Variants in MUC4 observed in about 807,000 individuals in gnomAD.
MUC4 encodes mucin 4, cell surface associated, also known as mucin-4.
MUC4 carries 202 observed loss-of-function variants against 257.9 expected under a neutral mutation model. The observed-to-expected ratio is 0.78, with a 90% CI of 0.70 to 0.88. The LOEUF (loss-of-function observed/expected upper bound fraction) is 0.88. Ranked by LOEUF, MUC4 falls within the 40% of genes least tolerant of loss-of-function variation. The pLI is 0.00. For missense variants in MUC4, 5,976 were observed against 6,513.7 expected, an observed-to-expected ratio of 0.92 and a Z score of 2.84; for synonymous variants, 2,351 against 2,757.1, an observed-to-expected ratio of 0.85 and a Z score of 4.62.
intron 3 of MUC4, among the ~76,000 whole-genome samples, chr3:195,775,424 C>T (rs376750848): frequency 5.6e-5 from 1 of 17,828 alleles, no homozygotes; most frequent in East Asian, 1.1e-3. Flanking sequence ...ACCTTCCACA[C>T]CCATACCTTC....
chr3:195,771,566 C>G, intron 5 of MUC4, 86 bp downstream of exon 5: 2 of 1,472,348 alleles, frequency 1.4e-6, no homozygotes, highest in Non-Finnish European at 1.8e-6. Context: ...GTCACAGCAG[C>G]AACTCTGGCA....
intron 1 of MUC4, among the ~76,000 whole-genome samples, chr3:195,794,111 A>T (rs1359660228): frequency 1.7e-5 from 2 of 119,568 alleles, no homozygotes; most frequent in Admixed American, 1.7e-4. Flanking sequence ...AATAATAAAA[A>T]TAGATATTAA....
rs1256387898 is a variant in MUC4 at position 195,778,313 on chromosome 3, C to T, written c.12933G>A (p.Leu4311=). The change falls in exon 3 of 25, where the codon CTG becomes CTA. Residue 4311 remains leucine, a synonymous_variant. Coordinates refer to ENST00000463781, the MANE Select transcript of MUC4 (RefSeq NM_018406.7). ...CCTGTATGGCCTCACCTCTCTCAGG[C>T]AGGATGGGGATGGGGGCAGCTGTGG... is the stretch of plus-strand genomic sequence containing the variant. The part of the protein sequence containing the change: ...TRSTAAPIPI[L]PERGVSLFPY... The T allele has an allele frequency of 1.2e-6, 2 of 1,609,788 alleles. No homozygotes were observed. Among genetic ancestry groups the T allele is most frequent in the Non-Finnish European group, 8.5e-7 (1 of 1,178,810 alleles).
chr3:195,774,426 C>G, intron 3 of MUC4, 121 bp from the exon 4 acceptor site: 4 of 1,237,368 alleles, frequency 3.2e-6, no homozygotes, highest in Non-Finnish European at 4.2e-6. Context: ...CCCGAGGGCC[C>G]CAGAGGCAGC....
At chr3:195,751,365 C>T in intron 21 of MUC4, 94 bp from the exon 22 acceptor site, 3 of 992,302 alleles carry the variant, frequency 3.0e-6, no homozygotes, top group Non-Finnish European at 4.7e-6. Context: ...TCCCTGTTTC[C>T]TCCTGGAACG....
intron 1 of MUC4, among the ~76,000 whole-genome samples, chr3:195,793,330 C>G (rs1219615047): frequency 6.6e-6 from 1 of 151,552 alleles, no homozygotes; most frequent in African/African-American, 2.4e-5. Context: ...AACCCCGTCT[C>G]TACTAGAAAA....
At position 195,788,120 on chromosome 3, in the gene MUC4, G is replaced by A; in HGVS notation, c.3460C>T (p.His1154Tyr). 1 of 1,494,012 alleles carries A rather than the reference G, an allele frequency of 6.7e-7. No homozygotes were observed. The highest frequency in any genetic ancestry group is 9.0e-7 in the Non-Finnish European group (1 of 1,115,636). The allele number at this position is 1,494,012 out of a possible 1,614,324, so 92.5% of individuals were successfully genotyped here. Reference sequence around the variant, plus strand: ...GATGCTGAGGAAGCATCAGTGACATGAAGAGGGGTGGTGTGACCTGTGGAT... The same window carrying A: ...GATGCTGAGGAAGCATCAGTGACATAAAGAGGGGTGGTGTGACCTGTGGAT... ...SVSTGHTTPL[H>Y]VTDASSASTG... is the part of the protein sequence containing the mutation. Residue 1154 changes from histidine (H) to tyrosine (Y), a missense_variant, in exon 2 of 25, where the codon CAT becomes TAT. Coordinates refer to ENST00000463781, the MANE Select transcript of MUC4 (RefSeq NM_018406.7).
intron 1 of MUC4, among the ~76,000 whole-genome samples, chr3:195,805,686 G>T (rs1578493522): frequency 6.6e-6 from 1 of 152,152 alleles, no homozygotes; most frequent in African/African-American, 2.4e-5. Context: ...TAGTAGAGAC[G>T]GGGTTTTGCC....
At position 195,760,858 on chromosome 3, in the gene MUC4, G is replaced by A. The variant is rs1385568976; in HGVS notation, c.14848+26C>T. 2.5e-6 allele frequency: 4 copies of A among 1,601,866 alleles called. No homozygotes were observed. The African/African-American group carries it at 4.0e-5, about 16-fold the overall frequency. ...CTCATCTGCTCCCGACTCTGAAAAGGCCTCCCCAGGCCTCGGGCCACTTAC... is the reference window on the plus strand; with the variant it reads ...CTCATCTGCTCCCGACTCTGAAAAGACCTCCCCAGGCCTCGGGCCACTTAC... On this transcript the variant is annotated intron_variant, in intron 16 of 24. Coordinates refer to ENST00000463781, the MANE Select transcript of MUC4 (RefSeq NM_018406.7).
Position 195,790,075 on chromosome 3 carries a change from T to C in MUC4, c.1505A>G (p.Gln502Arg). The C allele has an allele frequency of 6.2e-7, 1 of 1,614,046 alleles. No individual in the cohort carries two copies. Among genetic ancestry groups the C allele is most frequent in the Non-Finnish European group, 8.5e-7 (1 of 1,179,902 alleles). The change falls in exon 2 of 25, where the codon CAA (glutamine) becomes CGA (arginine). Residue 502 changes from glutamine to arginine, a missense_variant. Physicochemically the swap from Gln to Arg is conservative, Grantham distance 43. Around this residue, in one of 44 missense-constraint regions of MUC4, gnomAD observed 1,583 missense variants for 1,257.4 expected, o/e 1.26. Transcript: ENST00000463781. The stretch of plus-strand genomic sequence containing the variant: ...TGTTGATGTTGAGGGCAGTTCTGTT[T>C]GTGACCAAGTTGTGTGGCCTTTGCT... Reference protein sequence around the residue: ...FSSKGHTTWSQTELPSTSTGA... With the variant: ...FSSKGHTTWSRTELPSTSTGA...
chr3:195,778,019 C>T (rs1478759186), intron 3 of MUC4, among the ~76,000 whole-genome samples: 1 of 152,248 alleles, frequency 6.6e-6, no homozygotes, highest in Non-Finnish European at 1.5e-5. Flanking sequence ...TCCTTAGGGC[C>T]TTCCATTGTG....
intron 1 of MUC4, among the ~76,000 whole-genome samples, chr3:195,794,082 A>AAATAAAAAT: frequency 8.3e-6 from 1 of 120,192 alleles, no homozygotes; most frequent in African/African-American, 3.4e-5. Flanking sequence ...GTGTCTTAAA[A>AAATAAAAAT]AATAAAAATA....
At chr3:195,796,927 G>A (rs978175550) in intron 1 of MUC4, among the ~76,000 whole-genome samples, 13 of 151,934 alleles carry the variant, frequency 8.6e-5, no homozygotes, top group African/African-American at 2.2e-4. Context: ...TGGAAGCATC[G>A]TAAATAAAAT....
At chr3:195,763,837 CT>C (rs1324087974) in intron 11 of MUC4, among the ~76,000 whole-genome samples, 196 bp from the exon 12 acceptor site, 1 of 152,222 alleles carries the variant, frequency 6.6e-6, no homozygotes, top group African/African-American at 2.4e-5. Context: ...CTCAAGCCTC[CT>C]TGCATTTTCG....
intron 18 of MUC4, among the ~76,000 whole-genome samples, chr3:195,756,642 C>CTTTCTTTTCT (rs71698407): frequency 1.6e-4 from 23 of 140,230 alleles, no homozygotes; most frequent in African/African-American, 5.3e-4. Context: ...CTCCTTCTTT[C>CTTTCTTTTCT]TTTCTTTTCT....
Position 195,780,056 on chromosome 3 carries a change from G to A in MUC4, c.11524C>T (p.Pro3842Ser). 1 of 761,540 alleles carries A rather than the reference G, an allele frequency of 1.3e-6. No individual in the cohort carries two copies. The highest frequency in any genetic ancestry group is 1.7e-6 in the Non-Finnish European group (1 of 589,156). The allele number at this position is 761,540 out of a possible 1,614,324, so 47.2% of individuals were successfully genotyped here. The change falls in exon 2 of 25, where the codon CCT (proline) becomes TCT (serine). Residue 3842 changes from proline (P) to serine (S), a missense_variant. Physicochemically the swap from Pro to Ser is moderately conservative, Grantham distance 74. Coordinates refer to ENST00000463781, the MANE Select transcript of MUC4 (RefSeq NM_018406.7). Reference sequence around the variant, plus strand: ...GATACTGAGGAAGGGATGGTGACAGGAAGAGGGGTGGCGTGACCTGTGGAT... The same window carrying A: ...GATACTGAGGAAGGGATGGTGACAGAAAGAGGGGTGGCGTGACCTGTGGAT... The part of the protein sequence containing the change: ...SASTGHATPL[P>S]VTIPSSVSTG...
chr3:195,752,019 G>A (rs762489444), intron 21 of MUC4: 21 of 313,046 alleles, frequency 6.7e-5, no homozygotes, highest in Non-Finnish European at 1.0e-4. Flanking sequence ...CTGTGACTGA[G>A]GTATGGCATG....
At position 195,780,725 on chromosome 3, in the gene MUC4, C is replaced by G. The variant is rs1307618927; in HGVS notation, c.10855G>C (p.Val3619Leu). The G allele has an allele frequency of 2.7e-6, 4 of 1,508,404 alleles. No individual in the cohort carries two copies. The African/African-American group carries it at 5.9e-5, about 22-fold the overall frequency. The allele number at this position is 1,508,404 out of a possible 1,614,324, so 93.4% of individuals were successfully genotyped here. A position where few individuals can be genotyped will look rare whatever the true frequency, so the allele number is the denominator to read the frequency against. Residue 3619 changes from valine to leucine, a missense_variant, in exon 2 of 25, where the codon GTC becomes CTC. By Grantham distance (32) the Val-to-Leu change is conservative. Transcript: ENST00000463781. ...ASTGDTTRLP[V>L]TDTSSASTGQ... ...GTGGATGCTGAGGAAGTGTCCGTGA[C>G]AGGAAGACGGGTGGTGTCACCTGTG...
At chr3:195,805,022 C>T (rs1326467962) in intron 1 of MUC4, among the ~76,000 whole-genome samples, 5 of 151,940 alleles carry the variant, frequency 3.3e-5, no homozygotes, top group African/African-American at 9.7e-5. Flanking sequence ...TGCCTTCAGC[C>T]GAGGCTGGAG....
Sources: gnomAD v4.1 joint callset for allele counts (sites outside exome capture counted in the v4.1 genomes callset) on GRCh38, gnomAD v4.1.1 for gene constraint, gnomAD v4.1.1 regional missense constraint, MANE v1.5 for transcripts, NCBI Gene and HGNC (gene_info 2026-07-23, HGNC 2026-07-21) for gene names.